UBE2H: variants seen among roughly 807,000 people sequenced by gnomAD.
The protein encoded by UBE2H is ubiquitin conjugating enzyme E2 H.
In UBE2H, 3 loss-of-function variants were observed where a neutral mutation model predicts 29.0. The ratio of observed to expected loss-of-function variants is 0.10; its 90% CI spans 0.05 to 0.27. The LOEUF is 0.27. Among genes scored for constraint, UBE2H ranks in the 10% least tolerant of loss-of-function variants. The probability of loss-of-function intolerance (pLI) is 1.00; values close to 1 mark genes in which losing one functional copy is unlikely to be tolerated. For synonymous variants in UBE2H, 69 were observed against 82.9 expected, an observed-to-expected ratio of 0.83 and a Z score of 0.91; for missense variants, 68 against 228.2, an observed-to-expected ratio of 0.30 and a Z score of 4.52.
At chr7:129,915,624 A>G (rs1438710499) in intron 1 of UBE2H, among the ~76,000 whole-genome samples, 2 of 152,216 alleles carry the variant, frequency 1.3e-5, no homozygotes, top group Non-Finnish European at 2.9e-5. Context: ...TTTTCCCCAC[A>G]TATGGTTTTC....
rs200515874 is a variant in UBE2H, at chr7:129,892,682, CT to C, written c.54-11712del. Among the ~76,000 whole-genome samples, 691 of 152,274 alleles carry C rather than the reference CT, an allele frequency of 4.5e-3. 6 individuals carry two copies. Among genetic ancestry groups the C allele is most frequent in the Non-Finnish European group, 7.6e-3 (514 of 68,036 alleles). On this transcript the variant is annotated intron_variant, in intron 1 of 6. Coordinates refer to ENST00000355621, the MANE Select transcript of UBE2H (RefSeq NM_003344.4). ...TTTTTGCTGTAGAAAATTTCCCATA[CT>C]GTTATGCTAAAGTCCTTGCATTGAG... is the stretch of plus-strand genomic sequence containing the variant.
chr7:129,932,179 A>G (rs1807419823), intron 1 of UBE2H, among the ~76,000 whole-genome samples: 1 of 147,328 alleles, frequency 6.8e-6, no homozygotes, highest in African/African-American at 2.5e-5. Context: ...GCTGGAGTGC[A>G]GTGGCGCAAT....
At chr7:129,872,670 C>T (rs1806063413) in intron 3 of UBE2H, among the ~76,000 whole-genome samples, 3 of 151,492 alleles carry the variant, frequency 2.0e-5, no homozygotes, top group Admixed American at 6.6e-5. Flanking sequence ...GGTGAAACCC[C>T]GTCTCTACTA....
chr7:129,926,075 A>C (rs1807262677), intron 1 of UBE2H, among the ~76,000 whole-genome samples: 1 of 152,258 alleles, frequency 6.6e-6, no homozygotes, highest in African/African-American at 2.4e-5. Flanking sequence ...CAAGGCAAAG[A>C]GATAACAAAT....
Position 129,952,673 on chromosome 7 carries a change from C to T in UBE2H, c.-118G>A, listed in dbSNP as rs566472172. 985 of 1,190,636 alleles carry T rather than the reference C, an allele frequency of 8.3e-4. 6 individuals are homozygous for T. The African/African-American group carries it at 0.014, about 17-fold the overall frequency. 73.8% of individuals were successfully genotyped at this position (1,190,636 alleles called of 1,614,324 possible). Reference sequence around the variant, plus strand: ...GTGGAGGTGGCAACACCCCCGCGGTCCCGGCGGTCCCGTCAGCCGCCGCCG... The same window carrying T: ...GTGGAGGTGGCAACACCCCCGCGGTTCCGGCGGTCCCGTCAGCCGCCGCCG... On this transcript the variant is annotated 5_prime_UTR_variant, in exon 1 of 7. Coordinates refer to ENST00000355621, the MANE Select transcript of UBE2H (RefSeq NM_003344.4).
chr7:129,901,688 G>C (rs548526576), intron 1 of UBE2H, among the ~76,000 whole-genome samples: 1 of 151,940 alleles, frequency 6.6e-6, no homozygotes, highest in Non-Finnish European at 1.5e-5. Context: ...TCTGCCTCCC[G>C]GGTTCAAGCG....
At chr7:129,895,803 G>A (rs1806589013) in intron 1 of UBE2H, among the ~76,000 whole-genome samples, 1 of 151,748 alleles carries the variant, frequency 6.6e-6, no homozygotes, top group South Asian at 2.1e-4. Flanking sequence ...GCAGGAGAAT[G>A]GCGTGGAGCT....
At chr7:129,948,976 A>C (rs879613822) in intron 1 of UBE2H, 2 of 456,718 alleles carry the variant, frequency 4.4e-6, no homozygotes, top group Non-Finnish European at 8.8e-6. Context: ...GCTGTTTGGT[A>C]GCTCCTCCCC....
chr7:129,937,066 G>A (rs1384410741), intron 1 of UBE2H, among the ~76,000 whole-genome samples: 15 of 151,920 alleles, frequency 9.9e-5, no homozygotes, highest in Admixed American at 3.9e-4. Context: ...GTGGTGGCTC[G>A]CGCCTGTAGT....
chr7:129,871,638 C>CG (rs1045525935), intron 3 of UBE2H, among the ~76,000 whole-genome samples: 13 of 150,762 alleles, frequency 8.6e-5, no homozygotes, highest in South Asian at 2.1e-4. Flanking sequence ...CACTTGAACC[C>CG]GGGGGGCAGA....
At chr7:129,914,876 A>AG (rs942962001) in intron 1 of UBE2H, among the ~76,000 whole-genome samples, 1 of 152,222 alleles carries the variant, frequency 6.6e-6, no homozygotes, top group African/African-American at 2.4e-5. Flanking sequence ...ACAGAAAAAA[A>AG]GAAAACAGTA....
intron 1 of UBE2H, among the ~76,000 whole-genome samples, chr7:129,930,909 CAAAAAAAAA>C (rs71175050): frequency 2.9e-5 from 1 of 34,288 alleles, no homozygotes; most frequent in African/African-American, 1.1e-4. Context: ...CCCCGTCTCA[CAAAAAAAAA>C]AAAAAAAAAA....
intron 1 of UBE2H, among the ~76,000 whole-genome samples, chr7:129,917,952 T>G (rs1191412422): frequency 6.6e-6 from 1 of 152,218 alleles, no homozygotes; most frequent in Non-Finnish European, 1.5e-5. Context: ...TAGTATCAAG[T>G]ATGCACACGC....
intron 3 of UBE2H, among the ~76,000 whole-genome samples, chr7:129,864,553 TTTC>T (rs1211263306): frequency 5.5e-4 from 26 of 47,306 alleles, no homozygotes; most frequent in African/African-American, 1.2e-3. Flanking sequence ...TTTTCTTTTC[TTTC>T]TTTTTTTTTT....
intron 3 of UBE2H, among the ~76,000 whole-genome samples, chr7:129,869,289 C>G (rs1192565391): frequency 6.6e-6 from 1 of 152,010 alleles, no homozygotes; most frequent in Non-Finnish European, 1.5e-5. Flanking sequence ...ACTTCATGCT[C>G]CCCAGGACAT....
chr7:129,859,582 G>A (rs1805763853), intron 3 of UBE2H, among the ~76,000 whole-genome samples: 1 of 152,176 alleles, frequency 6.6e-6, no homozygotes, highest in Non-Finnish European at 1.5e-5. Flanking sequence ...TATATCTGTT[G>A]GAGGTTTAAG....
intron 5 of UBE2H, among the ~76,000 whole-genome samples, chr7:129,851,750 G>A (rs1428371436): frequency 6.6e-6 from 1 of 152,148 alleles, no homozygotes; most frequent in Non-Finnish European, 1.5e-5. Context: ...AGTGAGTGTG[G>A]TATTTTTAAT....
At chr7:129,879,766 A>C (rs558415742) in intron 2 of UBE2H, 124 bp from the exon 3 acceptor site, 3 of 800,394 alleles carry the variant, frequency 3.7e-6, no homozygotes, top group East Asian at 2.5e-5. Context: ...TTCAAGAGTC[A>C]GGGACCTACT....
chr7:129,923,421 T>A (rs1807205771), intron 1 of UBE2H, among the ~76,000 whole-genome samples: 1 of 152,212 alleles, frequency 6.6e-6, no homozygotes, highest in African/African-American at 2.4e-5. Context: ...TTCTGCAATA[T>A]CATTAATCAT....
Sources: gnomAD v4.1 joint callset for allele counts (sites outside exome capture counted in the v4.1 genomes callset) on GRCh38, gnomAD v4.1.1 for gene constraint, MANE v1.5 for transcripts, NCBI Gene and HGNC (gene_info 2026-07-23, HGNC 2026-07-21) for gene names.